The following CHRM2 variants were observed in gnomAD, a reference collection of about 807,000 sequenced individuals.
The protein encoded by CHRM2 is muscarinic acetylcholine receptor M2.
Under a neutral mutation model 25.0 loss-of-function variants are expected in CHRM2, and 8 were observed. The ratio of observed to expected loss-of-function variants is 0.32; its 90% CI spans 0.19 to 0.58. CHRM2 has a LOEUF of 0.58. CHRM2 is among the 20% of genes least tolerant of loss of function. The probability of loss-of-function intolerance (pLI) is 0.88; values close to 1 mark genes in which losing one functional copy is unlikely to be tolerated. For missense variants in CHRM2, 440 were observed against 567.1 expected (o/e 0.78, Z 2.28); for synonymous variants, 202 against 205.7 (o/e 0.98, Z 0.15).
At chr7:136,984,055 A>G (rs1011352388) in intron 2 of CHRM2, among the ~76,000 whole-genome samples, 5 of 152,106 alleles carry the variant, frequency 3.3e-5, no homozygotes, top group Admixed American at 3.3e-4. Flanking sequence ...CCCTCCCCCA[A>G]GGTTCTCTGT....
intron 2 of CHRM2, among the ~76,000 whole-genome samples, chr7:136,954,219 C>A (rs572477842): frequency 2.0e-5 from 3 of 152,236 alleles, no homozygotes; most frequent in African/African-American, 7.2e-5. Flanking sequence ...TATACCTATA[C>A]CTATACATTT....
chr7:136,997,187 T>A (rs1487288321), intron 3 of CHRM2, among the ~76,000 whole-genome samples: 1 of 152,186 alleles, frequency 6.6e-6, no homozygotes, highest in Non-Finnish European at 1.5e-5. Flanking sequence ...AACTTTAAAA[T>A]AGTACATGTA....
intron 2 of CHRM2, among the ~76,000 whole-genome samples, chr7:136,876,632 C>G (rs1052102252): frequency 3.3e-5 from 5 of 151,992 alleles, no homozygotes; most frequent in Non-Finnish European, 5.9e-5. Flanking sequence ...CAATGAGTAA[C>G]AGCAACAATA....
At chr7:136,885,941 T>G (rs1257103305) in intron 2 of CHRM2, among the ~76,000 whole-genome samples, 1 of 152,112 alleles carries the variant, frequency 6.6e-6, no homozygotes. Context: ...TCTCAGTAGC[T>G]ACAGCCTAGG....
intron 3 of CHRM2, among the ~76,000 whole-genome samples, chr7:137,011,215 G>GTGTATATA: frequency 1.5e-5 from 2 of 134,336 alleles, no homozygotes; most frequent in African/African-American, 6.4e-5. Context: ...GTGTGTGTGT[G>GTGTATATA]TATATATATA....
chr7:136,937,141 A>G (rs550443400), intron 2 of CHRM2, among the ~76,000 whole-genome samples: 5 of 152,214 alleles, frequency 3.3e-5, no homozygotes, highest in Non-Finnish European at 7.4e-5. Context: ...GTAGTTTTCA[A>G]TAATTTTTCT....
At chr7:136,979,585 C>T (rs995933849) in intron 2 of CHRM2, among the ~76,000 whole-genome samples, 1 of 152,146 alleles carries the variant, frequency 6.6e-6, no homozygotes, top group Admixed American at 6.5e-5. Flanking sequence ...TTATGTCTTA[C>T]ATTTAAATCT....
At chr7:137,012,955 T>G (rs183550308) in intron 3 of CHRM2, among the ~76,000 whole-genome samples, 1 of 152,068 alleles carries the variant, frequency 6.6e-6, no homozygotes, top group Non-Finnish European at 1.5e-5. Context: ...TGGAAAATTG[T>G]TTTTCACTGT....
chr7:136,997,240 A>G (rs1803666519), intron 3 of CHRM2, among the ~76,000 whole-genome samples: 2 of 152,238 alleles, frequency 1.3e-5, no homozygotes, highest in Admixed American at 1.3e-4. Context: ...GTGTGTAGGA[A>G]GATAAACAAG....
chr7:136,927,610 A>T (rs1798823261), intron 2 of CHRM2, among the ~76,000 whole-genome samples: 2 of 152,364 alleles, frequency 1.3e-5, no homozygotes, highest in South Asian at 4.1e-4. Flanking sequence ...TATTTATGCC[A>T]GGATAGACAA....
At chr7:136,882,010 T>C (rs983806714) in intron 2 of CHRM2, among the ~76,000 whole-genome samples, 1 of 152,106 alleles carries the variant, frequency 6.6e-6, no homozygotes, top group African/African-American at 2.4e-5. Flanking sequence ...AAATCTTTTT[T>C]GTTTTACCAA....
chr7:137,003,384 A>T (rs1804181570), intron 3 of CHRM2, among the ~76,000 whole-genome samples: 1 of 152,052 alleles, frequency 6.6e-6, no homozygotes, highest in Admixed American at 6.6e-5. Flanking sequence ...TTAGAAGAAC[A>T]GAGACATTCT....
chr7:136,874,572 C>G (rs909809892), intron 2 of CHRM2, among the ~76,000 whole-genome samples: 6 of 141,596 alleles, frequency 4.2e-5, no homozygotes, highest in Non-Finnish European at 6.1e-5. Flanking sequence ...TCTCTGCCCC[C>G]CCTCTCTCCC....
chr7:136,983,584 T>A (rs895336526), intron 2 of CHRM2, among the ~76,000 whole-genome samples: 1 of 152,168 alleles, frequency 6.6e-6, no homozygotes, highest in African/African-American at 2.4e-5. Flanking sequence ...CTACCTTTGG[T>A]TTTTGCTGTT....
At chr7:136,913,151 T>C (rs1016143273) in intron 2 of CHRM2, among the ~76,000 whole-genome samples, 5 of 151,974 alleles carry the variant, frequency 3.3e-5, no homozygotes, top group African/African-American at 1.2e-4. Flanking sequence ...CAATTGAGTA[T>C]TAAATACCTA....
At chr7:136,962,508 G>A (rs1200955768) in intron 2 of CHRM2, among the ~76,000 whole-genome samples, 1 of 152,118 alleles carries the variant, frequency 6.6e-6, no homozygotes, top group Non-Finnish European at 1.5e-5. Flanking sequence ...GAATTAAGTA[G>A]ACTCTAAGTA....
chr7:136,903,840 T>C (rs1414165899), intron 2 of CHRM2, among the ~76,000 whole-genome samples: 1 of 151,868 alleles, frequency 6.6e-6, no homozygotes, highest in Non-Finnish European at 1.5e-5. Flanking sequence ...TGGTTTAAAG[T>C]AGGTGTTGTA....
intron 2 of CHRM2, among the ~76,000 whole-genome samples, chr7:136,910,405 G>A (rs1797778810): frequency 1.3e-5 from 2 of 151,732 alleles, no homozygotes; most frequent in Non-Finnish European, 2.9e-5. Flanking sequence ...CAATAAGATG[G>A]GTTCTCTGAC....
rs1311073601 is a variant in CHRM2 at position 137,016,874 on chromosome 7, C to T, written c.*608C>T. 6.0e-6 allele frequency: 1 copy of T among 167,246 alleles called. No individual in the cohort carries two copies. The highest frequency in any genetic ancestry group is 2.4e-5 in the African/African-American group (1 of 41,408). 10.4% of individuals were successfully genotyped at this position (167,246 alleles called of 1,614,324 possible). A position where few individuals can be genotyped will look rare whatever the true frequency, so the allele number is the denominator to read the frequency against. On this transcript the variant is annotated 3_prime_UTR_variant, in exon 4 of 4. Transcript: ENST00000680005. ...TTTCCCACCATGAAGAGAAAGCAAA[C>T]AAACAGAAACCCCAACTAGGTCACA...
Sources: gnomAD v4.1 joint callset for allele counts (sites outside exome capture counted in the v4.1 genomes callset) on GRCh38, gnomAD v4.1.1 for gene constraint, MANE v1.5 for transcripts, NCBI Gene and HGNC (gene_info 2026-07-23, HGNC 2026-07-21) for gene names.